Variants in ZNF652 observed in about 807,000 individuals in gnomAD.
ZNF652 encodes zinc finger protein 652.
ZNF652 carries 16 observed loss-of-function variants against 45.2 expected under a neutral mutation model. The observed-to-expected ratio is 0.35, with a 90% CI of 0.24 to 0.54. ZNF652 has a LOEUF of 0.54. Ranked by LOEUF, ZNF652 falls within the 20% of genes least tolerant of loss-of-function variation. The probability of loss-of-function intolerance (pLI) is 0.91; values close to 1 mark genes in which losing one functional copy is unlikely to be tolerated. For synonymous variants in ZNF652, 250 were observed against 260.6 expected, an observed-to-expected ratio of 0.96 and a Z score of 0.39; for missense variants, 614 against 765.6, an observed-to-expected ratio of 0.80 and a Z score of 2.34.
At chr17:49,314,465 GT>G (rs1369026624) in intron 2 of ZNF652, among the ~76,000 whole-genome samples, 1 of 152,010 alleles carries the variant, frequency 6.6e-6, no homozygotes, top group Non-Finnish European at 1.5e-5. Flanking sequence ...CAGCCTTACT[GT>G]TTCTTTAAAA....
intron 1 of ZNF652, among the ~76,000 whole-genome samples, chr17:49,333,299 C>T (rs1293319013): frequency 4.7e-5 from 7 of 150,416 alleles, no homozygotes; most frequent in Admixed American, 1.3e-4. Context: ...CCTCGTGATC[C>T]GCCCACCTCG....
At chr17:49,309,909 C>T (rs913674171) in intron 5 of ZNF652, among the ~76,000 whole-genome samples, 1 of 152,098 alleles carries the variant, frequency 6.6e-6, no homozygotes, top group Non-Finnish European at 1.5e-5. Context: ...AATTTCCTCA[C>T]CACTAGTTAA....
intron 1 of ZNF652, among the ~76,000 whole-genome samples, chr17:49,361,560 C>G (rs1252558227): frequency 6.6e-6 from 1 of 152,192 alleles, no homozygotes; most frequent in Non-Finnish European, 1.5e-5. Context: ...GCAGGAGGAC[C>G]GGTGCAAACC....
chr17:49,308,294 C>A (rs1056721022), intron 5 of ZNF652, among the ~76,000 whole-genome samples: 1 of 152,060 alleles, frequency 6.6e-6, no homozygotes, highest in Non-Finnish European at 1.5e-5. Context: ...CTCCCTGCCT[C>A]AGCCTCCCAA....
chr17:49,311,281 A>G (rs1413248856), intron 5 of ZNF652, 31 bp downstream of exon 5: 10 of 1,604,558 alleles, frequency 6.2e-6, no homozygotes, highest in Non-Finnish European at 7.7e-6. Flanking sequence ...TGCTTGAGAC[A>G]TTATCTGTAC....
chr17:49,326,531 AAAAAAG>A (rs2069958412), intron 1 of ZNF652, among the ~76,000 whole-genome samples: 1 of 152,162 alleles, frequency 6.6e-6, no homozygotes, highest in Admixed American at 6.5e-5. Context: ...TAATAGAAAC[AAAAAAG>A]AAAAAGGTGG....
intron 1 of ZNF652, among the ~76,000 whole-genome samples, chr17:49,325,210 T>C (rs1367801865): frequency 6.6e-6 from 1 of 152,174 alleles, no homozygotes; most frequent in African/African-American, 2.4e-5. Context: ...GGGGTGACTC[T>C]TCCCTTCACT....
intron 1 of ZNF652, among the ~76,000 whole-genome samples, chr17:49,335,130 A>C (rs1321383929): frequency 6.6e-6 from 1 of 152,226 alleles, no homozygotes; most frequent in Non-Finnish European, 1.5e-5. Flanking sequence ...AATGAATTAT[A>C]TTTCAATAAC....
chr17:49,355,908 T>A (rs371011729), intron 1 of ZNF652, among the ~76,000 whole-genome samples: 1 of 151,542 alleles, frequency 6.6e-6, no homozygotes, highest in African/African-American at 2.4e-5. Flanking sequence ...AAAAAAAAAA[T>A]AGTATCTAAA....
At chr17:49,304,245 C>T (rs1010623861) in intron 5 of ZNF652, among the ~76,000 whole-genome samples, 2 of 151,898 alleles carry the variant, frequency 1.3e-5, no homozygotes, top group Admixed American at 1.3e-4. Flanking sequence ...CACAGAAAGA[C>T]CAAAAACTAC....
At chr17:49,357,313 GATA>G (rs1010968620) in intron 1 of ZNF652, among the ~76,000 whole-genome samples, 42 of 147,108 alleles carry the variant, frequency 2.9e-4, no homozygotes, top group Non-Finnish European at 4.2e-4. Flanking sequence ...AAAAAAAAAA[GATA>G]ATGTCATCTT....
At chr17:49,328,652 C>T (rs2069992232) in intron 1 of ZNF652, among the ~76,000 whole-genome samples, 1 of 152,150 alleles carries the variant, frequency 6.6e-6, no homozygotes, top group South Asian at 2.1e-4. Context: ...ACACCTGCTT[C>T]CCCCTTTGCA....
chr17:49,350,787 T>C (rs915665897), intron 1 of ZNF652, among the ~76,000 whole-genome samples: 1 of 151,188 alleles, frequency 6.6e-6, no homozygotes, highest in Non-Finnish European at 1.5e-5. Context: ...CTGGTCAACA[T>C]GGCAAAACCC....
At chr17:49,316,200 T>TAAC (rs2143794462) in intron 2 of ZNF652, among the ~76,000 whole-genome samples, 1 of 152,342 alleles carries the variant, frequency 6.6e-6, no homozygotes, top group African/African-American at 2.4e-5. Context: ...TTTGTTACCT[T>TAAC]AACAATACTG....
rs1325343674 is a variant in ZNF652 at position 49,292,605 on chromosome 17, A to G, written c.*5808T>C. On this transcript the variant is annotated 3_prime_UTR_variant, in exon 6 of 6. Transcript: ENST00000430262. ...ACAGGGCAGAGCAACAGCAGCACTC[A>G]GGATCCTTTCATCAGAAAGGGGAGG... 6.6e-6 allele frequency among the ~76,000 whole-genome samples: 1 copy of G among 152,168 alleles called. No homozygotes were observed. Among genetic ancestry groups the G allele is most frequent in the Admixed American group, 6.6e-5 (1 of 15,260 alleles).
At chr17:49,357,921 T>C (rs904490688) in intron 1 of ZNF652, among the ~76,000 whole-genome samples, 1 of 152,194 alleles carries the variant, frequency 6.6e-6, no homozygotes. Context: ...AGTCAAATAT[T>C]TGCAATTTTT....
intron 2 of ZNF652, among the ~76,000 whole-genome samples, chr17:49,313,946 T>C (rs2069756184): frequency 9.8e-6 from 1 of 102,012 alleles, no homozygotes; most frequent in Non-Finnish European, 1.8e-5. Context: ...CACTCCAGCC[T>C]GGGCAACAAA....
In ZNF652 at chr17:49,298,632, A is replaced by G; in HGVS notation, c.1602T>C (p.Pro534=). The G allele has an allele frequency of 6.2e-7, 1 of 1,613,112 alleles. No individual in the cohort carries two copies. Among genetic ancestry groups the G allele is most frequent in the Middle Eastern group, 1.7e-4 (1 of 6,058 alleles). ...TTPTPPINMN[P]VSTLPPRPIP... ...TGGGCCGAGGGGGAAGAGTGCTTAC[A>G]GGATTCATATTGATTGGAGGGGTTG... Residue 534 remains proline (P), a synonymous_variant, in exon 6 of 6, where the codon CCT becomes CCC. Coordinates refer to ENST00000430262, the MANE Select transcript of ZNF652 (RefSeq NM_001145365.3).
At chr17:49,312,366 A>G (rs2069727406) in intron 3 of ZNF652, among the ~76,000 whole-genome samples, 2 of 151,940 alleles carry the variant, frequency 1.3e-5, no homozygotes. Flanking sequence ...GGGTTTCGCC[A>G]CGTTTGCCAG....
Sources: gnomAD v4.1 joint callset for allele counts (sites outside exome capture counted in the v4.1 genomes callset) on GRCh38, gnomAD v4.1.1 for gene constraint, MANE v1.5 for transcripts, NCBI Gene and HGNC (gene_info 2026-07-23, HGNC 2026-07-21) for gene names.